The following PCSK2 variants were observed in gnomAD, a reference collection of about 807,000 sequenced individuals.
PCSK2 encodes proprotein convertase subtilisin/kexin type 2.
Under a neutral mutation model 69.7 loss-of-function variants are expected in PCSK2, and 14 were observed. The ratio of observed to expected loss-of-function variants is 0.20; its 90% CI spans 0.13 to 0.31. The LOEUF (loss-of-function observed/expected upper bound fraction) is 0.31, where lower values mean the gene tolerates loss of function less well. Ranked by LOEUF, PCSK2 falls within the 10% of genes least tolerant of loss-of-function variation. PCSK2 has a pLI of 1.00. For missense variants in PCSK2, 544 were observed against 842.5 expected (o/e 0.65, Z 4.39); for synonymous variants, 307 against 320.7 (o/e 0.96, Z 0.46).
At chr20:17,357,434 C>G (rs1243500887) in intron 2 of PCSK2, among the ~76,000 whole-genome samples, 1 of 152,184 alleles carries the variant, frequency 6.6e-6, no homozygotes, top group African/African-American at 2.4e-5. Flanking sequence ...GATTCTCAAA[C>G]GTGATAGCAC....
At chr20:17,305,884 A>G (rs891112296) in intron 2 of PCSK2, among the ~76,000 whole-genome samples, 3 of 152,226 alleles carry the variant, frequency 2.0e-5, no homozygotes, top group African/African-American at 7.2e-5. Flanking sequence ...ATACACAAAA[A>G]CTAAACAAAA....
intron 1 of PCSK2, among the ~76,000 whole-genome samples, chr20:17,239,668 GAGA>G (rs1986483323): frequency 1.3e-5 from 2 of 151,990 alleles, no homozygotes; most frequent in Admixed American, 6.6e-5. Flanking sequence ...CGTATAGAAG[GAGA>G]AGATTATTAA....
intron 1 of PCSK2, among the ~76,000 whole-genome samples, chr20:17,257,588 C>T (rs1987226502): frequency 1.3e-5 from 2 of 152,158 alleles, no homozygotes; most frequent in Non-Finnish European, 2.9e-5. Context: ...TAGCCAATGA[C>T]AGGGCAGAGG....
chr20:17,255,165 G>T (rs1987128957), intron 1 of PCSK2, among the ~76,000 whole-genome samples: 1 of 151,740 alleles, frequency 6.6e-6, no homozygotes, highest in Non-Finnish European at 1.5e-5. Flanking sequence ...TCTTTATCTT[G>T]CCTGATGGCA....
chr20:17,325,929 A>G lies in PCSK2; in HGVS notation c.283-32398A>G, dbSNP rs1013128952. Among the ~76,000 whole-genome samples, 3 of 152,206 alleles carry G rather than the reference A, an allele frequency of 2.0e-5. No individual in the cohort carries two copies. In the South Asian group the frequency reaches 6.2e-4, roughly 32 times the overall value. On this transcript the variant is annotated intron_variant, in intron 2 of 11. Transcript: ENST00000262545. ...CTCAAGCCACCAGTGGGCTAGCCCA[A>G]GTATGTTTTTCTCAAGCCACCAGGG...
intron 2 of PCSK2, among the ~76,000 whole-genome samples, chr20:17,291,200 A>G (rs545478428): frequency 6.6e-6 from 1 of 152,074 alleles, no homozygotes; most frequent in African/African-American, 2.4e-5. Context: ...TTAAATAACC[A>G]CTATTACTAA....
At chr20:17,336,716 A>G (rs1391024823) in intron 2 of PCSK2, among the ~76,000 whole-genome samples, 1 of 152,222 alleles carries the variant, frequency 6.6e-6, no homozygotes, top group Non-Finnish European at 1.5e-5. Context: ...AATTGATAAT[A>G]CAGCTCGCCC....
chr20:17,283,289 G>A (rs1445618160), intron 2 of PCSK2, among the ~76,000 whole-genome samples: 1 of 152,192 alleles, frequency 6.6e-6, no homozygotes, highest in Non-Finnish European at 1.5e-5. Flanking sequence ...GCTAAATTCT[G>A]TAGAAAGACC....
chr20:17,227,498 C>A lies in PCSK2; in HGVS notation c.177+16C>A. 1 of 1,604,692 alleles carries A rather than the reference C, an allele frequency of 6.2e-7. No individual in the cohort carries two copies. Among genetic ancestry groups the A allele is most frequent in the Non-Finnish European group, 8.5e-7 (1 of 1,172,196 alleles). Reference sequence around the variant, plus strand: ...AGTCCGAAAGGTAAGCTCTCCCATGCATTTCGCATGTTGTTTCAAAACGGG... The same window carrying A: ...AGTCCGAAAGGTAAGCTCTCCCATGAATTTCGCATGTTGTTTCAAAACGGG... On this transcript the variant is annotated intron_variant, in intron 1 of 11. Transcript: ENST00000262545.
chr20:17,282,430 G>A (rs1222978017), intron 2 of PCSK2, among the ~76,000 whole-genome samples: 1 of 152,130 alleles, frequency 6.6e-6, no homozygotes, highest in Non-Finnish European at 1.5e-5. Flanking sequence ...TTATTTCATT[G>A]GTTGTGCTTG....
Position 17,453,846 on chromosome 20 carries a change from C to A in PCSK2, c.990C>A (p.Ser330=), listed in dbSNP as rs1407510413. ...ACGCCTCCAGCATGTGGACCATCTC[C>A]ATCAACTCAGCCATCAACGACGGCA... is the stretch of plus-strand genomic sequence containing the variant. ...DGYASSMWTI[S]INSAINDGRT... The change falls in exon 9 of 12, where the codon TCC becomes TCA. Residue 330 remains serine (S), a synonymous_variant. Coordinates refer to ENST00000262545, the MANE Select transcript of PCSK2 (RefSeq NM_002594.5). This position sits in a 1 kb window ranked among gnomAD's most constrained non-coding sequence, Gnocchi z 4.0. 1 of 1,614,144 alleles carries A rather than the reference C, an allele frequency of 6.2e-7. No homozygotes were observed. The highest frequency in any genetic ancestry group is 8.5e-7 in the Non-Finnish European group (1 of 1,180,058).
At chr20:17,269,515 T>C (rs1987775088) in intron 2 of PCSK2, among the ~76,000 whole-genome samples, 2 of 152,160 alleles carry the variant, frequency 1.3e-5, no homozygotes, top group Admixed American at 1.3e-4. Context: ...TCTTCACTTT[T>C]CCCCTCTCTG....
At chr20:17,315,528 G>C (rs115365635) in intron 2 of PCSK2, among the ~76,000 whole-genome samples, 386 of 152,250 alleles carry the variant, frequency 2.5e-3, no homozygotes, top group Non-Finnish European at 4.2e-3. Context: ...GGTCTCTGTC[G>C]GACCTGCGAC....
At chr20:17,477,355 C>T (rs1271782160) in intron 11 of PCSK2, among the ~76,000 whole-genome samples, 1 of 139,672 alleles carries the variant, frequency 7.2e-6, no homozygotes, top group Non-Finnish European at 1.6e-5. Context: ...ATTTATTTTT[C>T]AGCACAGGAA....
chr20:17,474,690 C>T (rs887464270), intron 11 of PCSK2, among the ~76,000 whole-genome samples: 3 of 152,178 alleles, frequency 2.0e-5, no homozygotes, highest in Non-Finnish European at 4.4e-5. Context: ...CAGGAACACA[C>T]CGGCCCTTGT....
chr20:17,456,849 G>T (rs1354131514), intron 10 of PCSK2, among the ~76,000 whole-genome samples: 2 of 152,234 alleles, frequency 1.3e-5, no homozygotes, highest in African/African-American at 4.8e-5. Flanking sequence ...TGCCAGGCTG[G>T]TGTTTCAGAA....
At chr20:17,247,853 G>T (rs1328549385) in intron 1 of PCSK2, among the ~76,000 whole-genome samples, 1 of 152,198 alleles carries the variant, frequency 6.6e-6, no homozygotes, top group Non-Finnish European at 1.5e-5. Context: ...CAGTTCCCTG[G>T]AGTTCCCTAC....
chr20:17,309,073 G>C (rs1989421521), intron 2 of PCSK2, among the ~76,000 whole-genome samples: 1 of 152,184 alleles, frequency 6.6e-6, no homozygotes, highest in Non-Finnish European at 1.5e-5. Flanking sequence ...CGGAGCAGTG[G>C]AGTATTGTGG....
chr20:17,423,054 T>C (rs2032166422), intron 6 of PCSK2, among the ~76,000 whole-genome samples: 1 of 152,192 alleles, frequency 6.6e-6, no homozygotes, highest in African/African-American at 2.4e-5. Context: ...ACATAGGGAC[T>C]GATTTCTTCC....
Sources: gnomAD v4.1 joint callset for allele counts (sites outside exome capture counted in the v4.1 genomes callset) on GRCh38, gnomAD v4.1.1 for gene constraint, Gnocchi (gnomAD v3.1) non-coding constraint, MANE v1.5 for transcripts, NCBI Gene and HGNC (gene_info 2026-07-23, HGNC 2026-07-21) for gene names.